TMEM196: variants seen among roughly 807,000 people sequenced by gnomAD.
TMEM196 encodes transmembrane protein 196.
In TMEM196, 17 loss-of-function variants were observed where a neutral mutation model predicts 20.0. That is an observed-to-expected ratio of 0.85 (90% confidence interval 0.58 to 1.27). The LOEUF (loss-of-function observed/expected upper bound fraction) is 1.27. Ranked by LOEUF, TMEM196 falls within the 50% of genes most tolerant of loss-of-function variation. TMEM196 has a pLI of 0.00. For missense variants in TMEM196, 267 were observed against 223.0 expected (o/e 1.20, Z -1.26); for synonymous variants, 113 against 88.9 (o/e 1.27, Z -1.52).
chr7:19,757,414 C>A lies in TMEM196; in HGVS notation c.147+15136G>T, dbSNP rs561538425. 3.5e-5 allele frequency among the ~76,000 whole-genome samples: 5 copies of A among 144,696 alleles called. No individual in the cohort carries two copies. The South Asian group carries it at 8.7e-4, about 25-fold the overall frequency. 94.9% of individuals were successfully genotyped at this position (144,696 alleles called of 152,430 possible). A position where few individuals can be genotyped will look rare whatever the true frequency, so the allele number is the denominator to read the frequency against. On this transcript the variant is annotated intron_variant, in intron 1 of 4. Coordinates refer to ENST00000405844, the MANE Select transcript of TMEM196 (RefSeq NM_001363562.2). ...CAGTTGAGATGGGGTTTCACTTGAC[C>A]AGGCTAGTCTTGAACTCCTAACCTA...
intron 1 of TMEM196, among the ~76,000 whole-genome samples, chr7:19,761,462 C>T (rs377045100): frequency 6.6e-6 from 1 of 152,070 alleles, no homozygotes; most frequent in Non-Finnish European, 1.5e-5. Flanking sequence ...GACATAACCT[C>T]TCACACATGT....
chr7:19,727,209 G>A (rs1276156570), intron 2 of TMEM196, among the ~76,000 whole-genome samples: 2 of 152,124 alleles, frequency 1.3e-5, no homozygotes, highest in Non-Finnish European at 2.9e-5. Context: ...AATTCCTCTT[G>A]AGAATAGTTA....
intron 1 of TMEM196, among the ~76,000 whole-genome samples, chr7:19,735,897 A>G (rs1784383044): frequency 6.6e-6 from 1 of 152,148 alleles, no homozygotes; most frequent in Non-Finnish European, 1.5e-5. Flanking sequence ...CCACAAGATA[A>G]TGAGCTGAAC....
chr7:19,736,256 T>C (rs150567245), intron 1 of TMEM196, among the ~76,000 whole-genome samples: 2 of 150,956 alleles, frequency 1.3e-5, no homozygotes, highest in African/African-American at 4.8e-5. Flanking sequence ...CTGATGATTG[T>C]GTTTTTCTTA....
At chr7:19,760,549 C>A (rs928503665) in intron 1 of TMEM196, among the ~76,000 whole-genome samples, 1 of 151,444 alleles carries the variant, frequency 6.6e-6, no homozygotes, top group Non-Finnish European at 1.5e-5. Context: ...TTGGTAGAGC[C>A]GAGGTTTCAT....
chr7:19,727,121 C>A (rs1463813941), intron 2 of TMEM196, among the ~76,000 whole-genome samples: 1 of 152,074 alleles, frequency 6.6e-6, no homozygotes, highest in Non-Finnish European at 1.5e-5. Context: ...TTGAGTTTAG[C>A]CTGCACTTAT....
chr7:19,736,945 T>G (rs1406720651), intron 1 of TMEM196, among the ~76,000 whole-genome samples: 1 of 152,048 alleles, frequency 6.6e-6, no homozygotes, highest in Non-Finnish European at 1.5e-5. Context: ...ACTTTCTGTT[T>G]TCTTTTAGTT....
At chr7:19,759,371 G>A (rs528006485) in intron 1 of TMEM196, among the ~76,000 whole-genome samples, 3 of 151,956 alleles carry the variant, frequency 2.0e-5, no homozygotes, top group South Asian at 4.2e-4. Flanking sequence ...CTTTTTTCTG[G>A]TTCCTCATTT....
At chr7:19,730,072 C>A (rs1378551053) in intron 1 of TMEM196, among the ~76,000 whole-genome samples, 1 of 151,884 alleles carries the variant, frequency 6.6e-6, no homozygotes, top group East Asian at 1.9e-4. Flanking sequence ...CTGGCTAACA[C>A]GGTGAAACCC....
intron 1 of TMEM196, among the ~76,000 whole-genome samples, chr7:19,769,989 T>G (rs535992831): frequency 1.3e-5 from 2 of 152,280 alleles, no homozygotes; most frequent in South Asian, 4.1e-4. Flanking sequence ...ATAAGGAAAC[T>G]TGGGCTAGTC....
intron 1 of TMEM196, among the ~76,000 whole-genome samples, chr7:19,761,538 G>A (rs528056824): frequency 2.0e-5 from 3 of 152,114 alleles, no homozygotes; most frequent in African/African-American, 4.8e-5. Flanking sequence ...GTGATAAGGT[G>A]TTCCTCCATT....
chr7:19,722,025 T>C lies in TMEM196; in HGVS notation c.*103A>G. ...TTTTATTTTCTAGTCCTTTGGTGTC[T>C]CATTGCCTCATGAAAATCCTAAAAA... On this transcript the variant is annotated 3_prime_UTR_variant, in exon 5 of 5. Transcript: ENST00000405844. The C allele has an allele frequency of 6.8e-7, 1 of 1,470,254 alleles. No individual in the cohort carries two copies. The highest frequency in any genetic ancestry group is 9.5e-7 in the Non-Finnish European group (1 of 1,055,462). The allele number at this position is 1,470,254 out of a possible 1,614,324, so 91.1% of individuals were successfully genotyped here. A position where few individuals can be genotyped will look rare whatever the true frequency, so the allele number is the denominator to read the frequency against.
At chr7:19,758,323 C>T (rs1206051111) in intron 1 of TMEM196, among the ~76,000 whole-genome samples, 1 of 152,112 alleles carries the variant, frequency 6.6e-6, no homozygotes, top group Non-Finnish European at 1.5e-5. Context: ...TTTGAAACTT[C>T]CAAACAGGTA....
chr7:19,728,970 G>A (rs994188004), intron 2 of TMEM196, among the ~76,000 whole-genome samples: 1 of 152,188 alleles, frequency 6.6e-6, no homozygotes, highest in Non-Finnish European at 1.5e-5. Context: ...TTGCTTCACA[G>A]TCAAAGAAAG....
intron 1 of TMEM196, among the ~76,000 whole-genome samples, chr7:19,757,467 C>G (rs1014239477): frequency 6.6e-6 from 1 of 150,594 alleles, no homozygotes; most frequent in East Asian, 2.0e-4. Context: ...GTCTCGAACT[C>G]CTAACCTCAA....
chr7:19,757,987 A>G (rs966863160), intron 1 of TMEM196, among the ~76,000 whole-genome samples: 14 of 150,852 alleles, frequency 9.3e-5, no homozygotes, highest in South Asian at 6.3e-4. Flanking sequence ...TTTACTAAGA[A>G]CCCCAGGCAA....
intron 1 of TMEM196, among the ~76,000 whole-genome samples, chr7:19,748,417 G>A (rs1784844535): frequency 6.6e-6 from 1 of 151,940 alleles, no homozygotes; most frequent in Admixed American, 6.6e-5. Flanking sequence ...TAAGTGTGTT[G>A]TCTCTATACA....
chr7:19,760,789 C>G (rs1022131446), intron 1 of TMEM196, among the ~76,000 whole-genome samples: 1 of 152,124 alleles, frequency 6.6e-6, no homozygotes, highest in Non-Finnish European at 1.5e-5. Context: ...CTGCTAGACC[C>G]TCAGGACAAA....
rs547877329 is a variant in TMEM196, at chr7:19,729,507, G to C, written c.148-69C>G. 321 of 1,387,490 alleles carry C rather than the reference G, an allele frequency of 2.3e-4. 2 individuals are homozygous for C. Among genetic ancestry groups the C allele is most frequent in the South Asian group, 1.5e-3 (121 of 78,280 alleles). The allele number at this position is 1,387,490 out of a possible 1,614,324, so 85.9% of individuals were successfully genotyped here. On this transcript the variant is annotated intron_variant, in intron 1 of 4. Coordinates refer to ENST00000405844, the MANE Select transcript of TMEM196 (RefSeq NM_001363562.2). ...GAGGACCCCTAGATTTTAGCTTGTA[G>C]TTCACTCATGACACTTTCTCCAGGG...
Sources: gnomAD v4.1 joint callset for allele counts (sites outside exome capture counted in the v4.1 genomes callset) on GRCh38, gnomAD v4.1.1 for gene constraint, MANE v1.5 for transcripts, NCBI Gene and HGNC (gene_info 2026-07-23, HGNC 2026-07-21) for gene names.